The following STAT3 variants were observed in gnomAD, a reference collection of about 807,000 sequenced individuals.
STAT3 encodes the protein DNA-binding protein APRF.
In STAT3, 7 loss-of-function variants were observed where a neutral mutation model predicts 114.3. The ratio of observed to expected loss-of-function variants is 0.06; its 90% confidence interval spans 0.03 to 0.11. The LOEUF is 0.11. Ranked by LOEUF, STAT3 falls within the 10% of genes least tolerant of loss-of-function variation. The probability of loss-of-function intolerance (pLI) is 1.00; values close to 1 mark genes in which losing one functional copy is unlikely to be tolerated. For synonymous variants in STAT3, 331 were observed against 354.5 expected, an observed-to-expected ratio of 0.93 and a Z score of 0.74; for missense variants, 364 against 960.9, an observed-to-expected ratio of 0.38 and a Z score of 8.21.
chr17:42,317,564 T>G, intron 21 of STAT3: 1 of 413,568 alleles, frequency 2.4e-6, no homozygotes, highest in East Asian at 4.8e-5. Flanking sequence ...CTCCACGTGG[T>G]CTGAGCATTC....
intron 1 of STAT3, among the ~76,000 whole-genome samples, chr17:42,377,983 A>AC (rs2084559945): frequency 7.8e-6 from 1 of 127,716 alleles, no homozygotes; most frequent in South Asian, 2.4e-4. Flanking sequence ...CAGAAACAGG[A>AC]TTTTTTTTTT....
intron 21 of STAT3, among the ~76,000 whole-genome samples, chr17:42,317,844 C>T (rs2081311035): frequency 6.6e-6 from 1 of 152,210 alleles, no homozygotes. Flanking sequence ...GAGAATGTGA[C>T]TTTGTAAGGC....
chr17:42,329,342 A>C, intron 14 of STAT3, 68 bp downstream of exon 14: 1 of 1,601,436 alleles, frequency 6.2e-7, no homozygotes, highest in Admixed American at 1.7e-5. Context: ...GGGGATTAAG[A>C]AGGATCTTTA....
chr17:42,378,131 G>A (rs184740598), intron 1 of STAT3, among the ~76,000 whole-genome samples: 13 of 148,044 alleles, frequency 8.8e-5, no homozygotes, highest in South Asian at 2.2e-4. Context: ...GATTACAGGC[G>A]TGAGCCACCG....
chr17:42,354,300 G>T (rs2083118507), intron 1 of STAT3, among the ~76,000 whole-genome samples: 1 of 149,784 alleles, frequency 6.7e-6, no homozygotes, highest in South Asian at 2.1e-4. Context: ...CTCCCGAGTA[G>T]CTGGGACTAC....
At chr17:42,334,439 CTTTTT>C (rs56055491) in intron 8 of STAT3, among the ~76,000 whole-genome samples, 2 of 70,198 alleles carry the variant, frequency 2.8e-5, no homozygotes, top group Non-Finnish European at 5.9e-5. Context: ...TGCGCCTGGC[CTTTTT>C]TTTTTTTTTT....
intron 1 of STAT3, among the ~76,000 whole-genome samples, chr17:42,359,152 A>G (rs1449103330): frequency 1.3e-5 from 2 of 151,676 alleles, no homozygotes; most frequent in East Asian, 1.9e-4. Context: ...AGCCAGGATG[A>G]TCTCAATCAC....
intron 20 of STAT3, 118 bp downstream of exon 20, chr17:42,322,886 T>G: frequency 1.4e-6 from 2 of 1,443,306 alleles, no homozygotes; most frequent in Non-Finnish European, 1.9e-6. Context: ...CGAGTCTGAG[T>G]GAAACAGGGA....
intron 1 of STAT3, among the ~76,000 whole-genome samples, chr17:42,356,586 T>C (rs368715013): frequency 1.3e-5 from 2 of 151,868 alleles, no homozygotes; most frequent in East Asian, 1.9e-4. Flanking sequence ...CAGCTGCATA[T>C]TCTTTTAAAG....
chr17:42,371,531 C>A (rs895505776), intron 1 of STAT3, among the ~76,000 whole-genome samples: 3 of 150,794 alleles, frequency 2.0e-5, no homozygotes, highest in Non-Finnish European at 2.9e-5. Flanking sequence ...AAAAAATTAG[C>A]CAGGCGTAGT....
chr17:42,319,192 C>T (rs1380894633), intron 21 of STAT3, among the ~76,000 whole-genome samples: 1 of 151,594 alleles, frequency 6.6e-6, no homozygotes, highest in Non-Finnish European at 1.5e-5. Flanking sequence ...GAGGTGAGAT[C>T]GCACCACTGC....
chr17:42,319,296 C>T (rs905268820), intron 21 of STAT3, among the ~76,000 whole-genome samples: 5 of 152,038 alleles, frequency 3.3e-5, no homozygotes. Context: ...AATCCCAGCA[C>T]TTTGGGAGGC....
In STAT3 at chr17:42,388,381, G is replaced by A. The variant is rs2085232196; in HGVS notation, c.-126C>T. On this transcript the variant is annotated 5_prime_UTR_variant, in exon 1 of 24. Coordinates refer to ENST00000264657, the MANE Select transcript of STAT3 (RefSeq NM_139276.3). ...GGGCCTCTCCGAGCCGAGGGGGAGA[G>A]ACAGCGCCAAGCCGGGGTGCCTGTC... 1 of 1,231,540 alleles carries A rather than the reference G, an allele frequency of 8.1e-7. No homozygotes were observed. The highest frequency in any genetic ancestry group is 1.6e-5 in the African/African-American group (1 of 64,424). The allele number at this position is 1,231,540 out of a possible 1,614,324, so 76.3% of individuals were successfully genotyped here. A position where few individuals can be genotyped will look rare whatever the true frequency, so the allele number is the denominator to read the frequency against.
chr17:42,365,624 G>A (rs898344303), intron 1 of STAT3, among the ~76,000 whole-genome samples: 1 of 150,774 alleles, frequency 6.6e-6, no homozygotes, highest in East Asian at 1.9e-4. Flanking sequence ...TAAAGGAAGA[G>A]GCTTTGCTGT....
Position 42,315,475 on chromosome 17 carries a change from T to C in STAT3, c.*270A>G, listed in dbSNP as rs1363443676. The C allele has an allele frequency of 1.7e-6, 1 of 576,832 alleles. No individual in the cohort carries two copies. Among genetic ancestry groups the C allele is most frequent in the Non-Finnish European group, 3.1e-6 (1 of 322,998 alleles). 35.7% of individuals were successfully genotyped at this position (576,832 alleles called of 1,614,324 possible). A position where few individuals can be genotyped will look rare whatever the true frequency, so the allele number is the denominator to read the frequency against. On this transcript the variant is annotated 3_prime_UTR_variant, in exon 24 of 24. Transcript: ENST00000264657. ...ACAAGACATTTCCTTTTTCTCCCTC[T>C]AGCCACCCCCCGCCACATCCCCTGA...
chr17:42,343,765 T>G (rs2082563173), intron 4 of STAT3, among the ~76,000 whole-genome samples: 1 of 152,148 alleles, frequency 6.6e-6, no homozygotes, highest in Admixed American at 6.6e-5. Context: ...GATCTTTACT[T>G]TCATTACATC....
chr17:42,368,387 T>A (rs553826492), intron 1 of STAT3, among the ~76,000 whole-genome samples: 2 of 152,246 alleles, frequency 1.3e-5, no homozygotes, highest in African/African-American at 4.8e-5. Context: ...AATATTGATA[T>A]GCAGACACTA....
intron 4 of STAT3, among the ~76,000 whole-genome samples, chr17:42,344,311 A>G (rs972607489): frequency 4.0e-5 from 6 of 151,742 alleles, no homozygotes; most frequent in Non-Finnish European, 1.5e-5. Context: ...AGTCCCAGCT[A>G]CTTGGGAGGC....
At chr17:42,327,764 T>C (rs1277135433) in intron 14 of STAT3, among the ~76,000 whole-genome samples, 2 of 152,190 alleles carry the variant, frequency 1.3e-5, no homozygotes, top group African/African-American at 2.4e-5. Flanking sequence ...AATTGAATTC[T>C]AGTCTGGGCA....
Sources: gnomAD v4.1 joint callset for allele counts (sites outside exome capture counted in the v4.1 genomes callset) on GRCh38, gnomAD v4.1.1 for gene constraint, MANE v1.5 for transcripts, NCBI Gene and HGNC (gene_info 2026-07-23, HGNC 2026-07-21) for gene names.